Variants in SDK1 observed in about 807,000 individuals in gnomAD.
SDK1 encodes sidekick cell adhesion molecule 1, also known as protein sidekick-1.
In SDK1, 157 loss-of-function variants were observed where a neutral mutation model predicts 245.5. That is an observed-to-expected ratio of 0.64 (90% CI 0.56 to 0.73). The LOEUF is 0.73. Among genes scored for constraint, SDK1 ranks in the 30% least tolerant of loss-of-function variants. The pLI, the probability that SDK1 is intolerant of heterozygous loss-of-function variation, is 0.00. For synonymous variants in SDK1, 1,647 were observed against 1,278.5 expected (o/e 1.29, Z -6.15); for missense variants, 3,583 against 3,002.3 (o/e 1.19, Z -4.52).
chr7:4,114,111 C>G lies in SDK1; in HGVS notation c.3660C>G (p.Leu1220=), dbSNP rs952992034. 7 of 1,614,114 alleles carry G rather than the reference C, an allele frequency of 4.3e-6. No homozygotes were observed. In the African/African-American group the frequency reaches 8.0e-5, roughly 18 times the overall value. Residue 1220 remains leucine (L), a synonymous_variant, in exon 25 of 45, where the codon CTC becomes CTG. Transcript: ENST00000404826. ...GGATTAAGTACTGGCGCTCAGACCT[C>G]CAGTCCTCAGCAGTGGCCCAAGTCG... ...GYRIKYWRSD[L]QSSAVAQVVS...
chr7:4,080,686 A>G (rs1284533495), intron 22 of SDK1, among the ~76,000 whole-genome samples: 2 of 152,100 alleles, frequency 1.3e-5, no homozygotes, highest in Non-Finnish European at 2.9e-5. Context: ...ACCTCACATC[A>G]TCACACACCA....
chr7:3,392,363 A>C (rs149426789), intron 1 of SDK1, among the ~76,000 whole-genome samples: 2 of 152,246 alleles, frequency 1.3e-5, no homozygotes, highest in Non-Finnish European at 2.9e-5. Flanking sequence ...TCTTTGTCCA[A>C]TTGTGGTGCC....
chr7:4,091,346 T>C (rs369023408), intron 22 of SDK1, among the ~76,000 whole-genome samples: 114 of 86,754 alleles, frequency 1.3e-3, no homozygotes, highest in Middle Eastern at 6.1e-3. Flanking sequence ...TTTTTTTTTT[T>C]TTTTTTTTTT....
rs531233881 is a variant in SDK1 at position 3,791,973 on chromosome 7, A to G, written c.714-29477A>G. ...AGTTTGTCTTTCCAAAAAATGCAAA[A>G]AAAAATTAGCCAGATGTAGTGGTTC... is the stretch of plus-strand genomic sequence containing the variant. On this transcript the variant is annotated intron_variant, in intron 4 of 44. Coordinates refer to ENST00000404826, the MANE Select transcript of SDK1 (RefSeq NM_152744.4). Among the ~76,000 whole-genome samples the G allele has an allele frequency of 3.5e-4, 53 of 152,040 alleles. 1 individual carries two copies. The South Asian group carries it at 8.9e-3, about 26-fold the overall frequency.
chr7:3,770,933 T>C (rs991081432), intron 4 of SDK1, among the ~76,000 whole-genome samples: 1 of 152,164 alleles, frequency 6.6e-6, no homozygotes, highest in Admixed American at 6.5e-5. Context: ...CCTCCAGTCC[T>C]GGGGTCCCTA....
chr7:3,469,601 G>A lies in SDK1; in HGVS notation c.299-149479G>A, dbSNP rs144549921. 2.8e-3 allele frequency among the ~76,000 whole-genome samples: 431 copies of A among 152,254 alleles called. 2 individuals carry two copies. The highest frequency in any genetic ancestry group is 0.01 in the African/African-American group (416 of 41,544). ...TTGTTTTTGCAAAGAAAGTTTTTGT[G>A]TATGTATGCCTAGCTTTTCCTTATC... is the stretch of plus-strand genomic sequence containing the variant. On this transcript the variant is annotated intron_variant, in intron 1 of 44. Transcript: ENST00000404826.
rs116755431 is a variant in SDK1, at chr7:4,243,838, C to T, written c.6252-1838C>T. On this transcript the variant is annotated intron_variant, in intron 43 of 44. Transcript: ENST00000404826. The stretch of plus-strand genomic sequence containing the variant: ...GAGAGGGGAAGGGTCTGGGCAGGGA[C>T]ACCTGAGATTGGTCCTGTAGCATCA... 9.2e-5 allele frequency among the ~76,000 whole-genome samples: 14 copies of T among 152,280 alleles called. No homozygotes were observed. The East Asian group carries it at 1.4e-3, about 15-fold the overall frequency.
At chr7:3,501,559 C>T (rs776905688) in intron 1 of SDK1, among the ~76,000 whole-genome samples, 2 of 152,054 alleles carry the variant, frequency 1.3e-5, no homozygotes, top group Non-Finnish European at 2.9e-5. Flanking sequence ...GTGATTTAGT[C>T]ATACAACAGA....
intron 19 of SDK1, 136 bp downstream of exon 19, chr7:4,051,966 C>T: frequency 1.4e-6 from 1 of 700,038 alleles, no homozygotes; most frequent in Non-Finnish European, 2.4e-6. Flanking sequence ...AGTCAGCTCA[C>T]CTAGGGAGAT....
chr7:3,354,235 T>G (rs544008805), intron 1 of SDK1, among the ~76,000 whole-genome samples: 1 of 152,124 alleles, frequency 6.6e-6, no homozygotes, highest in South Asian at 2.1e-4. Context: ...CCTGACCTCA[T>G]GATCTGCCTG....
At chr7:3,824,763 A>G (rs905164495) in intron 5 of SDK1, among the ~76,000 whole-genome samples, 1 of 152,210 alleles carries the variant, frequency 6.6e-6, no homozygotes, top group African/African-American at 2.4e-5. Flanking sequence ...AAAGATAGAT[A>G]GGTTTTAGAT....
chr7:4,133,880 C>T (rs1785028626), intron 28 of SDK1, among the ~76,000 whole-genome samples: 1 of 152,126 alleles, frequency 6.6e-6, no homozygotes, highest in African/African-American at 2.4e-5. Context: ...AGTTATAAAC[C>T]CAGACTTACA....
At chr7:3,472,650 C>A (rs1562507213) in intron 1 of SDK1, among the ~76,000 whole-genome samples, 1 of 152,160 alleles carries the variant, frequency 6.6e-6, no homozygotes, top group African/African-American at 2.4e-5. Context: ...AATTTTAAAA[C>A]AAATCAGTAT....
chr7:4,037,808 A>T (rs1320299742), intron 17 of SDK1, among the ~76,000 whole-genome samples: 1 of 152,208 alleles, frequency 6.6e-6, no homozygotes, highest in Non-Finnish European at 1.5e-5. Flanking sequence ...TGCGAATACA[A>T]CAATGGATTT....
rs555143325 is a variant in SDK1, at chr7:3,434,567, A to C, written c.298+132683A>C. Among the ~76,000 whole-genome samples the C allele has an allele frequency of 6.6e-5, 10 of 152,246 alleles. No homozygotes were observed. In the East Asian group the frequency reaches 1.5e-3, roughly 24 times the overall value. Reference sequence around the variant, plus strand: ...CTTAAGTATTATCTCCATTTTGTAGATGGGACATCTCTGGCTCAGGCTCAA... The same window carrying C: ...CTTAAGTATTATCTCCATTTTGTAGCTGGGACATCTCTGGCTCAGGCTCAA... On this transcript the variant is annotated intron_variant, in intron 1 of 44. Transcript: ENST00000404826.
At chr7:3,695,055 C>G (rs1444399200) in intron 4 of SDK1, among the ~76,000 whole-genome samples, 7 of 152,238 alleles carry the variant, frequency 4.6e-5, no homozygotes, top group African/African-American at 1.7e-4. Flanking sequence ...ATTAGAGACT[C>G]TACATATTAG....
At chr7:3,690,387 A>G (rs1221103066) in intron 4 of SDK1, among the ~76,000 whole-genome samples, 1 of 152,164 alleles carries the variant, frequency 6.6e-6, no homozygotes, top group Non-Finnish European at 1.5e-5. Flanking sequence ...AAAGTATAAT[A>G]ATTTACTTGA....
intron 44 of SDK1, among the ~76,000 whole-genome samples, chr7:4,263,468 G>A (rs1312751946): frequency 2.1e-5 from 3 of 142,992 alleles, no homozygotes; most frequent in Non-Finnish European, 3.1e-5. Context: ...TCTCTTGAGT[G>A]AGGGAGTCCG....
At chr7:4,204,720 G>T (rs1050878594) in intron 35 of SDK1, among the ~76,000 whole-genome samples, 2 of 152,208 alleles carry the variant, frequency 1.3e-5, no homozygotes, top group Admixed American at 6.5e-5. Context: ...GGAGAGGAGT[G>T]CTCGGCTGGC....
Sources: allele counts gnomAD v4.1 joint callset (sites outside exome capture counted in the v4.1 genomes callset), GRCh38; gene constraint gnomAD v4.1.1; transcripts MANE v1.5; gene names NCBI Gene and HGNC (gene_info 2026-07-23, HGNC 2026-07-21).